The following RAB11FIP3 variants were observed in gnomAD, a reference collection of about 807,000 sequenced individuals.
The protein encoded by RAB11FIP3 is RAB11 family interacting protein 3.
RAB11FIP3 carries 17 observed loss-of-function variants against 77.8 expected under a neutral mutation model. The observed-to-expected ratio is 0.22, with a 90% CI of 0.15 to 0.33. The LOEUF is 0.33. Ranked by LOEUF, RAB11FIP3 falls within the 10% of genes least tolerant of loss-of-function variation. The pLI is 1.00. For missense variants in RAB11FIP3, 1,005 were observed against 1,011.2 expected (o/e 0.99, Z 0.08); for synonymous variants, 437 against 448.2 (o/e 0.98, Z 0.31).
At chr16:485,623 G>A (rs2056138936) in intron 4 of RAB11FIP3, among the ~76,000 whole-genome samples, 1 of 152,204 alleles carries the variant, frequency 6.6e-6, no homozygotes, top group South Asian at 2.1e-4. Flanking sequence ...ATCTTGCCCA[G>A]GCTGGTCTCG....
chr16:496,490 G>C (rs1312699347), intron 5 of RAB11FIP3, among the ~76,000 whole-genome samples: 1 of 152,226 alleles, frequency 6.6e-6, no homozygotes, highest in African/African-American at 2.4e-5. Flanking sequence ...AGCGTTTGGG[G>C]GTAATTTGGC....
At chr16:452,405 A>G (rs1371855821) in intron 1 of RAB11FIP3, 1 of 152,058 alleles carries the variant, frequency 6.6e-6, no homozygotes, top group Non-Finnish European at 1.5e-5. Context: ...CTTCCTACTG[A>G]TAGGTGGACA....
rs188067539 is a variant in RAB11FIP3 at position 520,449 on chromosome 16, G to A, written c.2017-10G>A. 5 of 1,613,110 alleles carry A rather than the reference G, an allele frequency of 3.1e-6. No homozygotes were observed. The highest frequency in any genetic ancestry group is 4.2e-6 in the Non-Finnish European group (5 of 1,179,964). ...GCCACAGCCCAGTAGTGATGTTGCT[G>A]TGCCTTCAGGACAACCGCAACCTGA... On this transcript the variant is annotated splice_polypyrimidine_tract_variant and intron_variant, in intron 12 of 13. Coordinates refer to ENST00000262305, the MANE Select transcript of RAB11FIP3 (RefSeq NM_014700.4).
chr16:440,729 T>A (rs1487043085), intron 1 of RAB11FIP3, among the ~76,000 whole-genome samples: 1 of 152,210 alleles, frequency 6.6e-6, no homozygotes, highest in Non-Finnish European at 1.5e-5. Flanking sequence ...GTGTGATGAA[T>A]CTGGGAATGT....
chr16:435,133 A>T (rs2055107105), intron 1 of RAB11FIP3, among the ~76,000 whole-genome samples: 1 of 150,348 alleles, frequency 6.7e-6, no homozygotes, highest in Non-Finnish European at 1.5e-5. Context: ...TGAAGCTCAG[A>T]GGTGGAGGTT....
At chr16:454,665 A>T (rs1248625796) in intron 1 of RAB11FIP3, among the ~76,000 whole-genome samples, 1 of 152,200 alleles carries the variant, frequency 6.6e-6, no homozygotes, top group Non-Finnish European at 1.5e-5. Context: ...AAGGTCCCTG[A>T]GGCTAATGTG....
chr16:484,252 G>A (rs1356768563), intron 4 of RAB11FIP3, among the ~76,000 whole-genome samples: 1 of 152,148 alleles, frequency 6.6e-6, no homozygotes, highest in African/African-American at 2.4e-5. Context: ...CCTGACAGCA[G>A]CCAGCTCTCC....
At chr16:440,269 CCTTTTT>C (rs746181561) in intron 1 of RAB11FIP3, among the ~76,000 whole-genome samples, 2 of 152,056 alleles carry the variant, frequency 1.3e-5, no homozygotes, top group African/African-American at 2.4e-5. Context: ...TTTCTGTGTT[CCTTTTT>C]CTTTTTATTA....
In RAB11FIP3 at chr16:506,432, G is replaced by A. The variant is rs562884218; in HGVS notation, c.1499+805G>A. ...TCTGCAGAAGAGGTTCTTCCTGTGA[G>A]CTTCTGTCCCTGCCCAGCTGCGCGG... On this transcript the variant is annotated intron_variant, in intron 8 of 13. Coordinates refer to ENST00000262305, the MANE Select transcript of RAB11FIP3 (RefSeq NM_014700.4). The surrounding 1 kb of genome is among the most constrained non-coding windows in gnomAD (Gnocchi z 4.5). Among the ~76,000 whole-genome samples, 2 of 152,288 alleles carry A rather than the reference G, an allele frequency of 1.3e-5. No homozygotes were observed. The highest frequency in any genetic ancestry group is 1.9e-4 in the East Asian group (1 of 5,170).
chr16:519,306 C>T lies in RAB11FIP3; in HGVS notation c.1722+282C>T, dbSNP rs142644290. Reference sequence around the variant, plus strand: ...CAGCCACTTATGCCCCAACCACTGCCGACGTGGAGGCAGAGGCTACACATG... The same window carrying T: ...CAGCCACTTATGCCCCAACCACTGCTGACGTGGAGGCAGAGGCTACACATG... On this transcript the variant is annotated intron_variant, in intron 10 of 13. Transcript: ENST00000262305. Among the ~76,000 whole-genome samples the T allele has an allele frequency of 2.6e-4, 40 of 152,350 alleles. No homozygotes were observed. The East Asian group carries it at 6.9e-3, about 26-fold the overall frequency.
In RAB11FIP3 at chr16:514,913, G is replaced by A. The variant is rs938613513; in HGVS notation, c.1641-4030G>A. On this transcript the variant is annotated intron_variant, in intron 9 of 13. Coordinates refer to ENST00000262305, the MANE Select transcript of RAB11FIP3 (RefSeq NM_014700.4). This position sits in a 1 kb window ranked among gnomAD's most constrained non-coding sequence, Gnocchi z 4.6. The stretch of plus-strand genomic sequence containing the variant: ...AACTGGGTGAACGTGGCCCTGGTGT[G>A]TGGTGCTTTCTAGCAGCACGTGAGC... 6.6e-6 allele frequency among the ~76,000 whole-genome samples: 1 copy of A among 152,230 alleles called. No homozygotes were observed. Among genetic ancestry groups the A allele is most frequent in the Non-Finnish European group, 1.5e-5 (1 of 68,034 alleles).
Position 510,765 on chromosome 16 carries a change from G to A in RAB11FIP3, c.1605G>A (p.Arg535=). 2 of 1,613,436 alleles carry A rather than the reference G, an allele frequency of 1.2e-6. No homozygotes were observed. Among genetic ancestry groups the A allele is most frequent in the African/African-American group, 1.3e-5 (1 of 75,028 alleles). ...RQKELLCKME[R]EKSIEIENLQ... is the part of the protein sequence containing the mutation. ...AGGAGCTCCTGTGCAAGATGGAGAG[G>A]GAGAAGAGCATTGAGATCGAGAACC... Residue 535 remains arginine, a synonymous_variant, in exon 9 of 14, where the codon AGG becomes AGA. Transcript: ENST00000262305.
At chr16:494,201 A>G (rs1201627788) in intron 5 of RAB11FIP3, among the ~76,000 whole-genome samples, 1 of 150,632 alleles carries the variant, frequency 6.6e-6, no homozygotes, top group African/African-American at 2.5e-5. Flanking sequence ...CTGGAGGTGT[A>G]TTTTCAATTA....
chr16:463,973 G>A (rs2055661103), intron 2 of RAB11FIP3, among the ~76,000 whole-genome samples: 1 of 152,178 alleles, frequency 6.6e-6, no homozygotes, highest in Admixed American at 6.5e-5. Context: ...GAGGGGTGGA[G>A]GGGAGAAAGG....
chr16:476,031 T>C (rs763600072), intron 3 of RAB11FIP3, among the ~76,000 whole-genome samples: 2 of 152,076 alleles, frequency 1.3e-5, no homozygotes, highest in Admixed American at 6.5e-5. Context: ...AATTTTTGTA[T>C]TTTTAGGAGA....
chr16:462,707 GTCCCTTCCCCAGTCCCTTCCCCAGCACCA>G (rs2055632557), intron 2 of RAB11FIP3, among the ~76,000 whole-genome samples: 1 of 55,588 alleles, frequency 1.8e-5, no homozygotes, highest in Non-Finnish European at 3.3e-5. Context: ...CCCCGGCACC[GTCCCTTCCCCAGTCCCTTCCCCAGCACCA>G]TCCCTTCCCC....
At chr16:440,941 CTTT>C (rs1160155330) in intron 1 of RAB11FIP3, among the ~76,000 whole-genome samples, 1 of 143,488 alleles carries the variant, frequency 7.0e-6, no homozygotes. Flanking sequence ...GTCCATTTTT[CTTT>C]TTTTTTTTTT....
rs1269048000 is a variant in RAB11FIP3 at position 521,669 on chromosome 16, G to A, written c.*830G>A. On this transcript the variant is annotated 3_prime_UTR_variant, in exon 14 of 14. Transcript: ENST00000262305. ...TGTGTGGCGCTCTCTCCCTGGGCAG[G>A]GTGGATGCCACAGGCCCCTCTGGCT... is the stretch of plus-strand genomic sequence containing the variant. The A allele has an allele frequency of 6.6e-6, 1 of 152,362 alleles. No homozygotes were observed. The highest frequency in any genetic ancestry group is 1.5e-5 in the Non-Finnish European group (1 of 68,134). 9.4% of individuals were successfully genotyped at this position (152,362 alleles called of 1,614,324 possible). A position where few individuals can be genotyped will look rare whatever the true frequency, so the allele number is the denominator to read the frequency against.
At chr16:441,629 G>T (rs1489356378) in intron 1 of RAB11FIP3, among the ~76,000 whole-genome samples, 1 of 152,222 alleles carries the variant, frequency 6.6e-6, no homozygotes, top group Admixed American at 6.5e-5. Context: ...GGACTAGCCT[G>T]GAGTTGGTGC....
Sources: allele counts gnomAD v4.1 joint callset (sites outside exome capture counted in the v4.1 genomes callset), GRCh38; gene constraint gnomAD v4.1.1; non-coding constraint Gnocchi (gnomAD v3.1); transcripts MANE v1.5; gene names NCBI Gene and HGNC (gene_info 2026-07-23, HGNC 2026-07-21).